HHIPL1: variants seen among roughly 807,000 people sequenced by gnomAD.
The protein encoded by HHIPL1 is HHIP like 1, also known as HHIP-like protein 1.
A neutral mutation model predicts 61.8 loss-of-function variants in HHIPL1; 43 were observed. That is an observed-to-expected ratio of 0.70 (90% CI 0.55 to 0.90). The LOEUF (loss-of-function observed/expected upper bound fraction) is 0.90. Among genes scored for constraint, HHIPL1 ranks in the 40% least tolerant of loss-of-function variants. The probability of loss-of-function intolerance (pLI) is 0.00; values close to 1 mark genes in which losing one functional copy is unlikely to be tolerated. For missense variants in HHIPL1, 1,056 were observed against 1,157.7 expected, an observed-to-expected ratio of 0.91 and a Z score of 1.28; for synonymous variants, 482 against 515.8, an observed-to-expected ratio of 0.93 and a Z score of 0.89.
chr14:99,679,419 AG>A lies in HHIPL1; in HGVS notation c.*3797del, dbSNP rs1416191513. The A allele has an allele frequency of 6.6e-6, 1 of 152,448 alleles. No homozygotes were observed. Among genetic ancestry groups the A allele is most frequent in the African/African-American group, 2.4e-5 (1 of 41,454 alleles). 9.4% of individuals were successfully genotyped at this position (152,448 alleles called of 1,614,324 possible). A position where few individuals can be genotyped will look rare whatever the true frequency, so the allele number is the denominator to read the frequency against. ...AATAGCCAGGATCAGATTCTCAGAG[AG>A]GGGCTGCCCTGCCCAGTGCCACACA... is the stretch of plus-strand genomic sequence containing the variant. On this transcript the variant is annotated 3_prime_UTR_variant, in exon 9 of 9. Coordinates refer to ENST00000330710, the MANE Select transcript of HHIPL1 (RefSeq NM_001127258.3).
the HHIPL1 span, among the ~76,000 whole-genome samples, chr14:99,637,213 AAAGAAAGAAAG>A: frequency 2.1e-5 from 2 of 94,932 alleles, no homozygotes; most frequent in African/African-American, 8.1e-5. Flanking sequence ...AGAAAGAAAG[AAAGAAAGAAAG>A]AAAGAAAGAA....
chr14:99,661,017 G>T lies in HHIPL1; in HGVS notation c.1502+611G>T, dbSNP rs1595161322. 2.0e-5 allele frequency among the ~76,000 whole-genome samples: 3 copies of T among 152,118 alleles called. No individual in the cohort carries two copies. In the East Asian group the frequency reaches 5.8e-4, roughly 29 times the overall value. ...CTAGGGCAGCAGTACCACCCACTGA[G>T]ACCCTGCTGTGGGAGGAGGATGAAT... On this transcript the variant is annotated intron_variant, in intron 5 of 8. Transcript: ENST00000330710.
At chr14:99,669,988 C>G (rs1414282282) in intron 7 of HHIPL1, among the ~76,000 whole-genome samples, 1 of 152,194 alleles carries the variant, frequency 6.6e-6, no homozygotes, top group Non-Finnish European at 1.5e-5. Flanking sequence ...TACAGTGTTT[C>G]CTGTATGCCC....
intron 2 of HHIPL1, 122 bp downstream of exon 2, chr14:99,652,992 C>A: frequency 2.0e-6 from 2 of 1,000,724 alleles, no homozygotes; most frequent in Non-Finnish European, 2.9e-6. Flanking sequence ...GGTGGGGGTG[C>A]TGAATTTCAT....
chr14:99,630,137 G>A, the HHIPL1 span, among the ~76,000 whole-genome samples: 1 of 152,228 alleles, frequency 6.6e-6, no homozygotes, highest in Non-Finnish European at 1.5e-5. Context: ...CCTCCACTGT[G>A]TGCCAGTCAG....
At chr14:99,658,611 G>A (rs1001163091) in intron 3 of HHIPL1, among the ~76,000 whole-genome samples, 11 of 152,094 alleles carry the variant, frequency 7.2e-5, no homozygotes, top group Non-Finnish European at 1.6e-4. Flanking sequence ...GCATTCAGTC[G>A]GTGCATCAGA....
Position 99,675,631 on chromosome 14 carries a change from C to A in HHIPL1, c.*5C>A, listed in dbSNP as rs1008953278. The stretch of plus-strand genomic sequence containing the variant: ...CACCAGAACCCCGACCTGTAGGCAA[C>A]ACGCCGCTGCCCCAGGCCATCCCGC... On this transcript the variant is annotated 3_prime_UTR_variant, in exon 9 of 9. Transcript: ENST00000330710. This position sits in a 1 kb window ranked among gnomAD's most constrained non-coding sequence, Gnocchi z 5.4. The A allele has an allele frequency of 6.6e-7, 1 of 1,508,472 alleles. No individual in the cohort carries two copies. Among genetic ancestry groups the A allele is most frequent in the Non-Finnish European group, 8.9e-7 (1 of 1,128,726 alleles). The allele number at this position is 1,508,472 out of a possible 1,614,324, so 93.4% of individuals were successfully genotyped here.
At chr14:99,640,784 T>C (rs1022821907), upstream of HHIPL1, among the ~76,000 whole-genome samples, 5 of 151,988 alleles carry the variant, frequency 3.3e-5, no homozygotes, top group African/African-American at 9.7e-5. Context: ...CTGTCATCCA[T>C]TTCACCCATC....
intron 3 of HHIPL1, among the ~76,000 whole-genome samples, chr14:99,658,613 T>A (rs1315936870): frequency 5.3e-5 from 8 of 152,194 alleles, no homozygotes; most frequent in Admixed American, 5.2e-4. Context: ...ATTCAGTCGG[T>A]GCATCAGAAA....
intron 3 of HHIPL1, 93 bp downstream of exon 3, chr14:99,657,236 C>T: frequency 2.1e-6 from 3 of 1,402,836 alleles, no homozygotes; most frequent in Non-Finnish European, 3.0e-6. Flanking sequence ...CTCGGCCAGG[C>T]ATTGTAGGGC....
At position 99,676,978 on chromosome 14, in the gene HHIPL1, G is replaced by A. The variant is rs893511030; in HGVS notation, c.*1352G>A. 1 of 152,322 alleles carries A rather than the reference G, an allele frequency of 6.6e-6. No individual in the cohort carries two copies. Among genetic ancestry groups the A allele is most frequent in the African/African-American group, 2.4e-5 (1 of 41,424 alleles). The allele number at this position is 152,322 out of a possible 1,614,324, so 9.4% of individuals were successfully genotyped here. A position where few individuals can be genotyped will look rare whatever the true frequency, so the allele number is the denominator to read the frequency against. The stretch of plus-strand genomic sequence containing the variant: ...GGCACCCAAACCCAACCTATGGGGG[G>A]GCTTTGGGAGGGGGTGATGCTGTGC... On this transcript the variant is annotated 3_prime_UTR_variant, in exon 9 of 9. Coordinates refer to ENST00000330710, the MANE Select transcript of HHIPL1 (RefSeq NM_001127258.3).
chr14:99,669,004 C>A, intron 7 of HHIPL1: 11 of 1,541,156 alleles, frequency 7.1e-6, no homozygotes, highest in South Asian at 1.2e-5. Context: ...AGAGCCCTGC[C>A]CTAACCCCTT....
intron 6 of HHIPL1, among the ~76,000 whole-genome samples, chr14:99,667,411 T>C (rs1302678642): frequency 2.0e-5 from 3 of 151,762 alleles, no homozygotes; most frequent in South Asian, 4.2e-4. Context: ...GGAGGGAGGA[T>C]TGGAGTGGGA....
In HHIPL1 at chr14:99,660,755, C is replaced by A. The variant is rs2056138496; in HGVS notation, c.1502+349C>A. Among the ~76,000 whole-genome samples, 1 of 152,214 alleles carries A rather than the reference C, an allele frequency of 6.6e-6. No homozygotes were observed. Among genetic ancestry groups the A allele is most frequent in the Admixed American group, 6.5e-5 (1 of 15,288 alleles). On this transcript the variant is annotated intron_variant, in intron 5 of 8. Transcript: ENST00000330710. The surrounding 1 kb of genome is among the most constrained non-coding windows in gnomAD (Gnocchi z 4.9). ...GATGGGCAGGAGGGCAGAATATGAA[C>A]AATTTCCTGGACACTCAGGGCCACC... is the stretch of plus-strand genomic sequence containing the variant.
Position 99,652,876 on chromosome 14 carries a change from T to G in HHIPL1, c.902+6T>G. ...GTGGACCACAGCTCTGAGAGGTGGC[T>G]TCCTTGGGGAACCCGGGCCTGGGTG... On this transcript the variant is annotated splice_donor_region_variant and intron_variant, in intron 2 of 8. Coordinates refer to ENST00000330710, the MANE Select transcript of HHIPL1 (RefSeq NM_001127258.3). The G allele has an allele frequency of 6.2e-7, 1 of 1,609,548 alleles. No homozygotes were observed. Among genetic ancestry groups the G allele is most frequent in the Non-Finnish European group, 8.5e-7 (1 of 1,177,072 alleles).
the HHIPL1 span, chr14:99,604,659 C>T: frequency 6.6e-6 from 1 of 152,138 alleles, no homozygotes; most frequent in African/African-American, 2.4e-5. Context: ...TAGGGCCGGG[C>T]TTCCCTTAAA....
At chr14:99,649,040 C>T (rs903181887) in intron 1 of HHIPL1, among the ~76,000 whole-genome samples, 1 of 152,192 alleles carries the variant, frequency 6.6e-6, no homozygotes, top group African/African-American at 2.4e-5. Context: ...ACACTGAGGC[C>T]AAGCTGCGGA....
chr14:99,675,457 G>T lies in HHIPL1; in HGVS notation c.2180G>T (p.Arg727Ile). The T allele has an allele frequency of 1.3e-6, 2 of 1,539,852 alleles. No homozygotes were observed. Among genetic ancestry groups the T allele is most frequent in the South Asian group, 1.2e-5 (1 of 83,910 alleles). Reference protein sequence around the residue: ...GFAYAVRAVKRAEFGQGGSLP... With the variant: ...GFAYAVRAVKIAEFGQGGSLP... ...GCCTACGCCGTGCGCGCCGTCAAGA[G>T]AGCCGAGTTCGGCCAGGGCGGCTCG... Residue 727 changes from arginine to isoleucine, a missense_variant, in exon 9 of 9, where the codon AGA becomes ATA. Arg to Ile is a moderately conservative substitution (Grantham distance 97). Coordinates refer to ENST00000330710, the MANE Select transcript of HHIPL1 (RefSeq NM_001127258.3). The surrounding 1 kb of genome is among the most constrained non-coding windows in gnomAD (Gnocchi z 5.4).
the HHIPL1 span, among the ~76,000 whole-genome samples, chr14:99,636,851 G>C: frequency 6.6e-6 from 1 of 151,084 alleles, no homozygotes; most frequent in African/African-American, 2.4e-5. Flanking sequence ...GCCGGGCATG[G>C]AAGTGCATGC....
Sources: allele counts gnomAD v4.1 joint callset (sites outside exome capture counted in the v4.1 genomes callset), GRCh38; gene constraint gnomAD v4.1.1; non-coding constraint Gnocchi (gnomAD v3.1); transcripts MANE v1.5; gene names NCBI Gene and HGNC (gene_info 2026-07-23, HGNC 2026-07-21).